The following PLEKHM3 variants were observed in gnomAD, a reference collection of about 807,000 sequenced individuals.
The protein encoded by PLEKHM3 is pleckstrin homology domain containing M3.
Under a neutral mutation model 81.8 loss-of-function variants are expected in PLEKHM3, and 45 were observed. The observed-to-expected ratio is 0.55, with a 90% CI of 0.43 to 0.71. The LOEUF is 0.71. Ranked by LOEUF, PLEKHM3 falls within the 30% of genes least tolerant of loss-of-function variation. The probability of loss-of-function intolerance (pLI) is 0.00; values close to 1 mark genes in which losing one functional copy is unlikely to be tolerated. For missense variants in PLEKHM3, 788 were observed against 924.3 expected, an observed-to-expected ratio of 0.85 and a Z score of 1.91; for synonymous variants, 352 against 356.4, an observed-to-expected ratio of 0.99 and a Z score of 0.14.
chr2:207,838,377 T>C (rs1465030036), intron 7 of PLEKHM3, among the ~76,000 whole-genome samples: 2 of 152,224 alleles, frequency 1.3e-5, no homozygotes, highest in Non-Finnish European at 2.9e-5. Context: ...CACAAAGCAT[T>C]TGCACTTTTA....
intron 3 of PLEKHM3, among the ~76,000 whole-genome samples, chr2:207,975,425 C>T (rs1691271717): frequency 6.6e-6 from 1 of 151,962 alleles, no homozygotes; most frequent in Admixed American, 6.6e-5. Flanking sequence ...CATGTTAAAC[C>T]TAATAGACTT....
chr2:207,956,718 A>ATTTTTTTTTTTTTTTT (rs1170073686), intron 3 of PLEKHM3, among the ~76,000 whole-genome samples: 2 of 69,108 alleles, frequency 2.9e-5, no homozygotes, highest in Non-Finnish European at 5.7e-5. Flanking sequence ...GCTGATTAAA[A>ATTTTTTTTTTTTTTTT]TTTTTTTTTT....
intron 5 of PLEKHM3, among the ~76,000 whole-genome samples, chr2:207,923,198 T>C (rs1253647907): frequency 6.6e-6 from 1 of 152,186 alleles, no homozygotes; most frequent in Non-Finnish European, 1.5e-5. Flanking sequence ...GTAGCCGAAC[T>C]ACTCACTGTC....
chr2:207,961,484 AT>A (rs1398028738), intron 3 of PLEKHM3, among the ~76,000 whole-genome samples: 3 of 152,194 alleles, frequency 2.0e-5, no homozygotes, highest in Admixed American at 1.3e-4. Flanking sequence ...AGGTTTTAGA[AT>A]CCTAGTTTCC....
chr2:207,948,030 G>C (rs927655014), intron 3 of PLEKHM3, among the ~76,000 whole-genome samples: 2 of 152,164 alleles, frequency 1.3e-5, no homozygotes, highest in African/African-American at 4.8e-5. Context: ...TAGGCTTCCA[G>C]AGCTTGATCC....
rs188228433 is a variant in PLEKHM3 at position 207,842,159 on chromosome 2, G to A, written c.2109-13663C>T. Among the ~76,000 whole-genome samples, 739 of 152,254 alleles carry A rather than the reference G, an allele frequency of 4.9e-3. 7 individuals are homozygous for A. The highest frequency in any genetic ancestry group is 0.017 in the African/African-American group (700 of 41,554). On this transcript the variant is annotated intron_variant, in intron 7 of 7. Transcript: ENST00000427836. ...TCACCGTGTTAGCCAGGATGGCCTCGATCTGACCTCGTGATCCGCCTGCCT... is the reference window on the plus strand; with the variant it reads ...TCACCGTGTTAGCCAGGATGGCCTCAATCTGACCTCGTGATCCGCCTGCCT...
At chr2:207,909,493 G>A (rs1373511044) in intron 5 of PLEKHM3, among the ~76,000 whole-genome samples, 1 of 152,194 alleles carries the variant, frequency 6.6e-6, no homozygotes, top group Non-Finnish European at 1.5e-5. Context: ...CAAGCACTAT[G>A]CCAGGCACTA....
chr2:207,959,327 T>C (rs11677782), intron 3 of PLEKHM3, among the ~76,000 whole-genome samples: 10,913 of 152,210 alleles, frequency 0.072, 499 homozygotes, highest in Admixed American at 0.13. Context: ...TTTTTGTGAT[T>C]CCCCAGTTAC....
rs969053683 is a variant in PLEKHM3, at chr2:207,825,468, A to C, written c.*2851T>G. 1.3e-5 allele frequency: 2 copies of C among 152,236 alleles called. No homozygotes were observed. The highest frequency in any genetic ancestry group is 2.9e-5 in the Non-Finnish European group (2 of 68,040). The allele number at this position is 152,236 out of a possible 1,614,324, so 9.4% of individuals were successfully genotyped here. On this transcript the variant is annotated 3_prime_UTR_variant, in exon 8 of 8. Transcript: ENST00000427836. ...GAAAAGCAGGTATTAGTTTGGTCTG[A>C]AAGAGGTGGTAATCCACAGATTTGC...
At chr2:207,870,530 C>T (rs2092527859) in intron 6 of PLEKHM3, among the ~76,000 whole-genome samples, 1 of 152,254 alleles carries the variant, frequency 6.6e-6, no homozygotes, top group Non-Finnish European at 1.5e-5. Context: ...GAAGAATCAA[C>T]ATTGTCACAC....
intron 3 of PLEKHM3, among the ~76,000 whole-genome samples, chr2:207,953,504 C>T (rs34297394): frequency 2.0e-5 from 3 of 152,028 alleles, no homozygotes; most frequent in East Asian, 1.9e-4. Flanking sequence ...CATAAATTTC[C>T]GCTGCACAAG....
intron 3 of PLEKHM3, among the ~76,000 whole-genome samples, chr2:207,958,028 A>G (rs1013800388): frequency 2.0e-5 from 3 of 152,230 alleles, no homozygotes; most frequent in African/African-American, 7.2e-5. Flanking sequence ...TAATATGTCA[A>G]TAACGCCACT....
intron 4 of PLEKHM3, among the ~76,000 whole-genome samples, chr2:207,945,584 A>G (rs978051768): frequency 5.3e-5 from 8 of 152,314 alleles, no homozygotes; most frequent in Middle Eastern, 3.4e-3. Flanking sequence ...TGACCTTCAC[A>G]TGAGTAGGAG....
At chr2:207,860,377 A>T (rs1342590718) in intron 7 of PLEKHM3, among the ~76,000 whole-genome samples, 1 of 152,094 alleles carries the variant, frequency 6.6e-6, no homozygotes, top group Non-Finnish European at 1.5e-5. Context: ...TGTATGCCTT[A>T]CCTTCTGTTC....
chr2:207,878,305 TA>T (rs201258834), intron 6 of PLEKHM3, among the ~76,000 whole-genome samples: 4 of 148,640 alleles, frequency 2.7e-5, no homozygotes, highest in East Asian at 2.0e-4. Flanking sequence ...CAGTGAGCAT[TA>T]AAAAAAAAAC....
intron 6 of PLEKHM3, chr2:207,868,650 G>A (rs1559214112): frequency 6.6e-6 from 1 of 152,090 alleles, no homozygotes. Context: ...TTACAGCAAG[G>A]GATCAATAAA....
chr2:207,920,997 T>G (rs1378274674), intron 5 of PLEKHM3, among the ~76,000 whole-genome samples: 1 of 152,044 alleles, frequency 6.6e-6, no homozygotes, highest in Non-Finnish European at 1.5e-5. Context: ...ACTCTCAGAG[T>G]GTAGCATCTT....
Position 207,908,531 on chromosome 2 carries a change from G to C in PLEKHM3, c.1933C>G (p.Leu645Val). The change falls in exon 6 of 8, where the codon CTT becomes GTT. Residue 645 changes from leucine to valine, a missense_variant. Coordinates refer to ENST00000427836, the MANE Select transcript of PLEKHM3 (RefSeq NM_001080475.3). Reference protein sequence around the residue: ...YLLQQIHLYSLADLQQVIEGK... With the variant: ...YLLQQIHLYSVADLQQVIEGK... ...GCACTTACCTGCTGCAGGTCGGCAA[G>C]TGAATACAGGTGGATCTGTTGAAGG... The C allele has an allele frequency of 6.2e-7, 1 of 1,612,500 alleles. No individual in the cohort carries two copies. The highest frequency in any genetic ancestry group is 8.5e-7 in the Non-Finnish European group (1 of 1,179,606).
chr2:207,882,428 A>G (rs1253062231), intron 6 of PLEKHM3, among the ~76,000 whole-genome samples: 2 of 152,012 alleles, frequency 1.3e-5, no homozygotes, highest in South Asian at 2.1e-4. Flanking sequence ...CCTCACCAAC[A>G]TGGTGAAACC....
Sources: allele counts gnomAD v4.1 joint callset (sites outside exome capture counted in the v4.1 genomes callset), GRCh38; gene constraint gnomAD v4.1.1; transcripts MANE v1.5; gene names NCBI Gene and HGNC (gene_info 2026-07-23, HGNC 2026-07-21).